The following PPARGC1A variants were observed in gnomAD, a reference collection of about 807,000 sequenced individuals.
The protein encoded by PPARGC1A is peroxisome proliferator-activated receptor gamma coactivator 1-alpha.
Under a neutral mutation model 88.7 loss-of-function variants are expected in PPARGC1A, and 25 were observed. The observed-to-expected ratio is 0.28, with a 90% CI of 0.21 to 0.39. The LOEUF (loss-of-function observed/expected upper bound fraction) is 0.39, where lower values mean the gene tolerates loss of function less well. Among genes scored for constraint, PPARGC1A ranks in the 10% least tolerant of loss-of-function variants. The pLI is 1.00. For missense variants in PPARGC1A, 880 were observed against 968.7 expected, an observed-to-expected ratio of 0.91 and a Z score of 1.22; for synonymous variants, 363 against 355.6, an observed-to-expected ratio of 1.02 and a Z score of -0.24.
chr4:24,387,786 A>AAGAAAGAG, the PPARGC1A span, among the ~76,000 whole-genome samples: 1 of 92,640 alleles, frequency 1.1e-5, no homozygotes, highest in Non-Finnish European at 2.3e-5. Context: ...GAAAGAAAGA[A>AAGAAAGAG]AGAAAGAAAG....
At chr4:24,288,157 G>A in the PPARGC1A span, among the ~76,000 whole-genome samples, 1 of 152,062 alleles carries the variant, frequency 6.6e-6, no homozygotes, top group Non-Finnish European at 1.5e-5. Flanking sequence ...TCCCAGACCT[G>A]AATTACAGGA....
At chr4:23,904,013 G>T, upstream of PPARGC1A, 2 of 973,464 alleles carry the variant, frequency 2.1e-6, no homozygotes, top group Non-Finnish European at 2.4e-6. Context: ...TGAATCCATA[G>T]ATGATAACCC....
the PPARGC1A span, among the ~76,000 whole-genome samples, chr4:24,228,731 A>G: frequency 3.3e-5 from 5 of 152,244 alleles, no homozygotes; most frequent in Admixed American, 6.5e-5. Flanking sequence ...AGGATTTGAC[A>G]TGGTCTTTGA....
the PPARGC1A span, among the ~76,000 whole-genome samples, chr4:24,271,837 A>C: frequency 6.6e-6 from 1 of 152,166 alleles, no homozygotes; most frequent in Non-Finnish European, 1.5e-5. Flanking sequence ...TTAGCCTAGC[A>C]CCTGGAACAT....
chr4:24,117,834 C>T, the PPARGC1A span, among the ~76,000 whole-genome samples: 118 of 152,152 alleles, frequency 7.8e-4, no homozygotes, highest in African/African-American at 2.6e-3. Flanking sequence ...ACAGCAGTTT[C>T]GGAAGAGTAA....
At chr4:24,324,045 CG>C in the PPARGC1A span, among the ~76,000 whole-genome samples, 1 of 152,224 alleles carries the variant, frequency 6.6e-6, no homozygotes, top group Non-Finnish European at 1.5e-5. Context: ...GCGCCGGTCA[CG>C]GACTGGGAAG....
In PPARGC1A at chr4:23,813,886, A is replaced by T; in HGVS notation, c.1597T>A (p.Leu533Met). Residue 533 changes from leucine to methionine, a missense_variant, in exon 8 of 13, where the codon TTG becomes ATG. Coordinates refer to ENST00000264867, the MANE Select transcript of PPARGC1A (RefSeq NM_013261.5). Reference sequence around the variant, plus strand: ...GAACAAGAAGGAGACACATTGAACAATGAATAGGATTGCGTGCCATCCCAA... The same window carrying T: ...GAACAAGAAGGAGACACATTGAACATTGAATAGGATTGCGTGCCATCCCAA... ...YPWDGTQSYS[L>M]FNVSPSCSSF... The T allele has an allele frequency of 6.2e-7, 1 of 1,614,062 alleles. No individual in the cohort carries two copies. The highest frequency in any genetic ancestry group is 2.2e-5 in the East Asian group (1 of 44,862).
At chr4:24,251,484 C>G in the PPARGC1A span, among the ~76,000 whole-genome samples, 141 of 152,298 alleles carry the variant, frequency 9.3e-4, 2 homozygotes, top group East Asian at 0.021. Context: ...TTTTGCCTCC[C>G]TTTTCCTGCC....
chr4:24,251,091 T>C, the PPARGC1A span, among the ~76,000 whole-genome samples: 1 of 152,212 alleles, frequency 6.6e-6, no homozygotes, highest in Admixed American at 6.5e-5. Context: ...GGCAACAATA[T>C]CTGTAAAAAT....
In PPARGC1A at chr4:23,814,609, A is replaced by T; in HGVS notation, c.878-4T>A. ...GGAGTGGTGGGTGGAGTTAGGCCTA[A>T]GGCAAAAATTAAAAAAAAAAAAAAA... On this transcript the variant is annotated splice_region_variant and splice_polypyrimidine_tract_variant and intron_variant, in intron 7 of 12. Transcript: ENST00000264867. The T allele has an allele frequency of 6.9e-7, 1 of 1,443,376 alleles. No individual in the cohort carries two copies. Among genetic ancestry groups the T allele is most frequent in the Non-Finnish European group, 9.1e-7 (1 of 1,102,504 alleles). 89.4% of individuals were successfully genotyped at this position (1,443,376 alleles called of 1,614,324 possible).
the PPARGC1A span, among the ~76,000 whole-genome samples, chr4:24,036,688 A>C: frequency 6.6e-6 from 1 of 152,280 alleles, no homozygotes; most frequent in African/African-American, 2.4e-5. Context: ...AGACAGACAA[A>C]TTGATAATGA....
intron 2 of PPARGC1A, chr4:23,866,267 C>T (rs1711970467): frequency 6.6e-6 from 1 of 151,986 alleles, no homozygotes; most frequent in Non-Finnish European, 1.5e-5. Flanking sequence ...TAAATAAAGC[C>T]CTAGAAACAT....
the PPARGC1A span, among the ~76,000 whole-genome samples, chr4:24,408,225 T>C: frequency 2.0e-5 from 3 of 150,972 alleles, no homozygotes; most frequent in African/African-American, 7.3e-5. Context: ...CAAGACAAAC[T>C]ACTCTGCTGC....
At chr4:23,933,204 G>A in the PPARGC1A span, among the ~76,000 whole-genome samples, 3 of 152,132 alleles carry the variant, frequency 2.0e-5, no homozygotes, top group African/African-American at 7.2e-5. Flanking sequence ...CAACCACAAA[G>A]AATGAAGTCT....
At chr4:24,187,499 T>C in the PPARGC1A span, among the ~76,000 whole-genome samples, 3 of 152,192 alleles carry the variant, frequency 2.0e-5, no homozygotes, top group African/African-American at 7.2e-5. Flanking sequence ...CTGGTCCTGG[T>C]TCTGCCATCA....
the PPARGC1A span, among the ~76,000 whole-genome samples, chr4:24,355,728 C>A: frequency 6.6e-6 from 1 of 151,988 alleles, no homozygotes; most frequent in Non-Finnish European, 1.5e-5. Flanking sequence ...CAGTCACAAA[C>A]CCGCCGAGAG....
chr4:23,883,446 C>G (rs1207567735), intron 2 of PPARGC1A: 4 of 152,144 alleles, frequency 2.6e-5, no homozygotes, highest in Non-Finnish European at 4.4e-5. Context: ...ATGGCTGTCA[C>G]CCAAATTCAT....
At chr4:23,886,059 A>G (rs1275972273) in intron 1 of PPARGC1A, among the ~76,000 whole-genome samples, 1 of 152,142 alleles carries the variant, frequency 6.6e-6, no homozygotes, top group African/African-American at 2.4e-5. Flanking sequence ...ACAGTAAAGA[A>G]CACTGCAGGA....
the PPARGC1A span, among the ~76,000 whole-genome samples, chr4:24,032,021 C>G: frequency 6.6e-6 from 1 of 152,160 alleles, no homozygotes; most frequent in Non-Finnish European, 1.5e-5. Flanking sequence ...TTCCACCACA[C>G]CAAAATCCTG....
Sources: allele counts gnomAD v4.1 joint callset (sites outside exome capture counted in the v4.1 genomes callset), GRCh38; gene constraint gnomAD v4.1.1; transcripts MANE v1.5; gene names NCBI Gene and HGNC (gene_info 2026-07-23, HGNC 2026-07-21).